BOLL: variants seen among roughly 807,000 people sequenced by gnomAD.
BOLL encodes the protein protein boule-like.
A neutral mutation model predicts 44.4 loss-of-function variants in BOLL; 23 were observed. That is an observed-to-expected ratio of 0.52 (90% CI 0.37 to 0.73). BOLL has a LOEUF of 0.73. Among genes scored for constraint, BOLL ranks in the 30% least tolerant of loss-of-function variants. BOLL has a pLI of 0.00. For synonymous variants in BOLL, 97 were observed against 110.8 expected, an observed-to-expected ratio of 0.88 and a Z score of 0.78; for missense variants, 287 against 338.3, an observed-to-expected ratio of 0.85 and a Z score of 1.19.
intron 9 of BOLL, among the ~76,000 whole-genome samples, chr2:197,744,640 G>C (rs1039550208): frequency 6.6e-6 from 1 of 152,172 alleles, no homozygotes; most frequent in African/African-American, 2.4e-5. Flanking sequence ...TTGGAAGGTA[G>C]CAGAAAATCA....
At chr2:197,756,584 C>G in intron 8 of BOLL, 28 bp from the exon 9 acceptor site, 2 of 1,557,112 alleles carry the variant, frequency 1.3e-6, no homozygotes, top group South Asian at 1.2e-5. Flanking sequence ...ATTTCTAATT[C>G]AAATATGATT....
chr2:197,783,709 C>G lies in BOLL; in HGVS notation c.-16+1347G>C, dbSNP rs61468171. Among the ~76,000 whole-genome samples, 975 of 152,298 alleles carry G rather than the reference C, an allele frequency of 6.4e-3. 13 individuals carry two copies. Among genetic ancestry groups the G allele is most frequent in the African/African-American group, 0.021 (876 of 41,560 alleles). ...GGCACTTGGAGGTTATTTGTGACTT[C>G]AGTCACTTCGCTCAGTAGGATATAA... On this transcript the variant is annotated intron_variant, in intron 1 of 10. Coordinates refer to ENST00000392296, the MANE Select transcript of BOLL (RefSeq NM_033030.6).
rs533751233 is a variant in BOLL, at chr2:197,729,793, C to T, written c.829-1215G>A. ...AAAACTAACAAACAGAAAGGACATC[C>T]ACACCAAAAACCCATCTGTACATCA... is the stretch of plus-strand genomic sequence containing the variant. On this transcript the variant is annotated intron_variant, in intron 10 of 10. Coordinates refer to ENST00000392296, the MANE Select transcript of BOLL (RefSeq NM_033030.6). Among the ~76,000 whole-genome samples, 11 of 151,522 alleles carry T rather than the reference C, an allele frequency of 7.3e-5. No individual in the cohort carries two copies. In the South Asian group the frequency reaches 1.2e-3, roughly 17 times the overall value.
At chr2:197,759,199 G>A (rs781127262) in intron 7 of BOLL, among the ~76,000 whole-genome samples, 6 of 152,156 alleles carry the variant, frequency 3.9e-5, no homozygotes, top group Admixed American at 6.5e-5. Context: ...TGTGGTGATT[G>A]CAAATCCAGG....
chr2:197,729,217 CG>C (rs1334577928), intron 10 of BOLL, among the ~76,000 whole-genome samples: 5 of 152,254 alleles, frequency 3.3e-5, no homozygotes, highest in African/African-American at 9.6e-5. Context: ...GGGTGATGGA[CG>C]GCACCTGGAA....
intron 4 of BOLL, among the ~76,000 whole-genome samples, chr2:197,776,191 C>T (rs918925376): frequency 1.3e-5 from 2 of 151,788 alleles, no homozygotes; most frequent in African/African-American, 4.8e-5. Flanking sequence ...CATGTTTTCT[C>T]CATTTTTGTG....
In BOLL at chr2:197,727,017, A is replaced by G. The variant is rs1229916074; in HGVS notation, c.*1538T>C. On this transcript the variant is annotated 3_prime_UTR_variant, in exon 11 of 11. Transcript: ENST00000392296. ...GTGCTATTAAAAGAAAATCTTGAACATCAGTGGTTAGTAATTTTTTACTTA... is the reference window on the plus strand; with the variant it reads ...GTGCTATTAAAAGAAAATCTTGAACGTCAGTGGTTAGTAATTTTTTACTTA... 6.5e-6 allele frequency: 1 copy of G among 152,716 alleles called. No individual in the cohort carries two copies. The highest frequency in any genetic ancestry group is 2.4e-5 in the African/African-American group (1 of 41,462). 9.5% of individuals were successfully genotyped at this position (152,716 alleles called of 1,614,324 possible).
At chr2:197,756,395 T>A in intron 9 of BOLL, 33 bp downstream of exon 9, 1 of 1,522,462 alleles carries the variant, frequency 6.6e-7, no homozygotes, top group East Asian at 2.4e-5. Context: ...CATGAGGTAG[T>A]TATAGATCAA....
chr2:197,758,038 C>A (rs964791413), intron 7 of BOLL, among the ~76,000 whole-genome samples: 1 of 152,142 alleles, frequency 6.6e-6, no homozygotes, highest in African/African-American at 2.4e-5. Flanking sequence ...GAAATTAGAA[C>A]CCTCATAATC....
At chr2:197,731,792 ATC>A (rs1687195729) in intron 10 of BOLL, among the ~76,000 whole-genome samples, 1 of 151,944 alleles carries the variant, frequency 6.6e-6, no homozygotes, top group Non-Finnish European at 1.5e-5. Context: ...ACATACCAGA[ATC>A]TCTGGGACGC....
intron 9 of BOLL, among the ~76,000 whole-genome samples, chr2:197,744,718 G>T (rs1687911714): frequency 6.6e-6 from 1 of 152,164 alleles, no homozygotes; most frequent in Non-Finnish European, 1.5e-5. Flanking sequence ...ACTATACAAA[G>T]AACTTTGTAT....
chr2:197,754,534 C>T (rs1187098407), intron 9 of BOLL, among the ~76,000 whole-genome samples: 1 of 151,984 alleles, frequency 6.6e-6, no homozygotes, highest in Non-Finnish European at 1.5e-5. Context: ...ACGGTGAAAC[C>T]CCGTCTCTAC....
Position 197,784,407 on chromosome 2 carries a change from T to C in BOLL, c.-16+649A>G, listed in dbSNP as rs1272527519. Among the ~76,000 whole-genome samples, 26 of 38,758 alleles carry C rather than the reference T, an allele frequency of 6.7e-4. 2 individuals carry two copies. Among genetic ancestry groups the C allele is most frequent in the African/African-American group, 1.2e-3 (13 of 11,082 alleles). 25.4% of individuals were successfully genotyped at this position (38,758 alleles called of 152,430 possible). On this transcript the variant is annotated intron_variant, in intron 1 of 10. Coordinates refer to ENST00000392296, the MANE Select transcript of BOLL (RefSeq NM_033030.6). ...AGTCTAATACATATATATATATATA[T>C]ATATATATATATATATATATATATA...
At chr2:197,733,812 C>T (rs1687334562) in intron 10 of BOLL, among the ~76,000 whole-genome samples, 1 of 152,098 alleles carries the variant, frequency 6.6e-6, no homozygotes, top group African/African-American at 2.4e-5. Context: ...AGAATTAATT[C>T]AAGATGGATT....
In BOLL at chr2:197,771,859, CA is replaced by C; in HGVS notation, c.475del (p.Trp159GlyfsTer11). On this transcript the variant is annotated frameshift_variant, in exon 6 of 11. Transcript: ENST00000392296. LOFTEE classifies it high-confidence loss of function. ...TTTTTAAATGAAATTACTTACAGGC[CA>C]AGGCGGTGGGACCGAAGTTACCTCT... ...TPEVTSVPPP[W>X]PSRSVCSSPV... The C allele has an allele frequency of 6.3e-7, 1 of 1,579,278 alleles. No homozygotes were observed. The highest frequency in any genetic ancestry group is 8.6e-7 in the Non-Finnish European group (1 of 1,165,090).
Position 197,727,718 on chromosome 2 carries a change from G to A in BOLL, c.*837C>T, listed in dbSNP as rs917030891. ...AGAACAGTAATTTGGTGGAATTTCA[G>A]TCAGTGTTATGGGATCATGTCAGAG... is the stretch of plus-strand genomic sequence containing the variant. On this transcript the variant is annotated 3_prime_UTR_variant, in exon 11 of 11. Transcript: ENST00000392296. 6.6e-6 allele frequency: 1 copy of A among 152,322 alleles called. No individual in the cohort carries two copies. Among genetic ancestry groups the A allele is most frequent in the Non-Finnish European group, 1.5e-5 (1 of 68,024 alleles). 9.4% of individuals were successfully genotyped at this position (152,322 alleles called of 1,614,324 possible).
Position 197,756,708 on chromosome 2 carries a change from AAACTGATCTGTTATAAATTCC to A in BOLL, c.601-173_601-153del, listed in dbSNP as rs1319477157. ...CAGAAGTATCTCAGCAACGGATTAG[AAACTGATCTGTTATAAATTCC>A]AACTGTGTAGATGTAGTTAAAGAAT... On this transcript the variant is annotated intron_variant, in intron 8 of 10. Coordinates refer to ENST00000392296, the MANE Select transcript of BOLL (RefSeq NM_033030.6). 1.5e-5 allele frequency: 9 copies of A among 618,434 alleles called. No homozygotes were observed. In the African/African-American group the frequency reaches 1.7e-4, roughly 12 times the overall value. The allele number at this position is 618,434 out of a possible 1,614,324, so 38.3% of individuals were successfully genotyped here. A position where few individuals can be genotyped will look rare whatever the true frequency, so the allele number is the denominator to read the frequency against.
intron 6 of BOLL, among the ~76,000 whole-genome samples, chr2:197,767,648 T>C (rs1410285402): frequency 6.6e-6 from 1 of 151,962 alleles, no homozygotes; most frequent in Non-Finnish European, 1.5e-5. Context: ...TCTGGCAATG[T>C]TGGGAGACAT....
intron 1 of BOLL, 114 bp from the exon 2 acceptor site, chr2:197,781,979 T>A: frequency 2.5e-6 from 2 of 800,610 alleles, no homozygotes; most frequent in Non-Finnish European, 3.6e-6. Context: ...CAAAATATAG[T>A]ATTCTAGGCT....
Sources: allele counts gnomAD v4.1 joint callset (sites outside exome capture counted in the v4.1 genomes callset), GRCh38; gene constraint gnomAD v4.1.1; transcripts MANE v1.5; gene names NCBI Gene and HGNC (gene_info 2026-07-23, HGNC 2026-07-21).